ZFHX3: variants seen among roughly 807,000 people sequenced by gnomAD.
ZFHX3 encodes the protein zinc finger homeobox 3, also known as zinc finger homeobox protein 3.
A neutral mutation model predicts 279.1 loss-of-function variants in ZFHX3; 42 were observed. The observed-to-expected ratio is 0.15, with a 90% CI of 0.12 to 0.19. The LOEUF is 0.19. ZFHX3 is among the 10% of genes least tolerant of loss of function. The pLI, the probability that ZFHX3 is intolerant of heterozygous loss-of-function variation, is 1.00. For synonymous variants in ZFHX3, 2,293 were observed against 1,957.8 expected (o/e 1.17, Z -4.52); for missense variants, 4,981 against 4,754.0 (o/e 1.05, Z -1.40).
intron 2 of ZFHX3, among the ~76,000 whole-genome samples, chr16:73,624,880 T>A (rs1353452740): frequency 6.6e-6 from 1 of 152,126 alleles, no homozygotes; most frequent in East Asian, 1.9e-4. Context: ...CCAAATCCGA[T>A]CTTACACATA....
chr16:73,423,914 T>A (rs965315053), intron 3 of ZFHX3, among the ~76,000 whole-genome samples: 2 of 151,706 alleles, frequency 1.3e-5, no homozygotes, highest in South Asian at 4.2e-4. Flanking sequence ...TTCCTTTGTA[T>A]CTCTGGACAA....
At chr16:73,402,932 C>T (rs934717060) in intron 3 of ZFHX3, among the ~76,000 whole-genome samples, 3 of 151,848 alleles carry the variant, frequency 2.0e-5, no homozygotes, top group Admixed American at 1.3e-4. Flanking sequence ...TAATTCTTAA[C>T]CTGTATTCCA....
intron 1 of ZFHX3, among the ~76,000 whole-genome samples, chr16:73,711,231 T>C (rs1317508136): frequency 6.6e-6 from 1 of 152,044 alleles, no homozygotes; most frequent in Non-Finnish European, 1.5e-5. Flanking sequence ...CACACACAGA[T>C]GGACCCTCTA....
intron 2 of ZFHX3, among the ~76,000 whole-genome samples, chr16:73,508,738 T>C (rs1253046280): frequency 6.6e-6 from 1 of 152,204 alleles, no homozygotes; most frequent in African/African-American, 2.4e-5. Flanking sequence ...GTATATATTA[T>C]TGTCCAGACA....
chr16:73,850,983 C>T (rs1961579509), intron 1 of ZFHX3, among the ~76,000 whole-genome samples: 1 of 152,136 alleles, frequency 6.6e-6, no homozygotes, highest in Admixed American at 6.5e-5. Context: ...TGTATGCCAC[C>T]TCCATTATTT....
intron 1 of ZFHX3, among the ~76,000 whole-genome samples, chr16:73,721,505 G>A (rs1424398525): frequency 6.6e-6 from 1 of 152,120 alleles, no homozygotes; most frequent in Non-Finnish European, 1.5e-5. Context: ...CCATTTATCT[G>A]TATTAGTGAG....
chr16:73,836,474 T>C (rs1181738969), intron 1 of ZFHX3, among the ~76,000 whole-genome samples: 1 of 152,210 alleles, frequency 6.6e-6, no homozygotes, highest in Non-Finnish European at 1.5e-5. Flanking sequence ...ACTTGAGTCA[T>C]TTCATAAACA....
chr16:72,798,701 A>G lies in ZFHX3; in HGVS notation c.3981T>C (p.Asp1327=). The G allele has an allele frequency of 6.4e-7, 1 of 1,551,816 alleles. No individual in the cohort carries two copies. Among genetic ancestry groups the G allele is most frequent in the South Asian group, 1.2e-5 (1 of 81,648 alleles). ...EAGKQPETSE[D]LGKNILPSAS... ...CGGATGGCAAGATGTTCTTTCCCAGATCCTCTGAGGTTTCTGTTAAAAAAA... is the reference window on the plus strand; with the variant it reads ...CGGATGGCAAGATGTTCTTTCCCAGGTCCTCTGAGGTTTCTGTTAAAAAAA... The change falls in exon 9 of 10, where the codon GAT becomes GAC. Residue 1327 remains aspartate (D), a synonymous_variant. Coordinates refer to ENST00000268489, the MANE Select transcript of ZFHX3 (RefSeq NM_006885.4).
At chr16:73,217,616 G>T (rs946590750) in intron 5 of ZFHX3, among the ~76,000 whole-genome samples, 1 of 152,134 alleles carries the variant, frequency 6.6e-6, no homozygotes, top group Non-Finnish European at 1.5e-5. Context: ...ACTTTTCAAA[G>T]GTAGCTAGGT....
At chr16:73,082,306 T>C (rs978527227) in intron 8 of ZFHX3, among the ~76,000 whole-genome samples, 1 of 151,896 alleles carries the variant, frequency 6.6e-6, no homozygotes. Flanking sequence ...CTCTCTATGT[T>C]GCCCAGCCTG....
chr16:73,518,114 AG>A (rs898576154), intron 2 of ZFHX3, among the ~76,000 whole-genome samples: 7 of 152,166 alleles, frequency 4.6e-5, no homozygotes, highest in African/African-American at 1.7e-4. Flanking sequence ...AGTTAGGACT[AG>A]CCACATTTCA....
intron 1 of ZFHX3, among the ~76,000 whole-genome samples, chr16:73,772,584 T>C (rs1051405026): frequency 2.6e-5 from 4 of 152,194 alleles, no homozygotes; most frequent in Non-Finnish European, 1.5e-5. Context: ...TAGGTGTCTT[T>C]CAGATATGTC....
intron 4 of ZFHX3, among the ~76,000 whole-genome samples, chr16:73,278,001 A>G (rs1420363439): frequency 6.6e-6 from 1 of 152,182 alleles, no homozygotes; most frequent in Non-Finnish European, 1.5e-5. Flanking sequence ...ATCTGCCCTC[A>G]TGATCCAGTC....
intron 3 of ZFHX3, among the ~76,000 whole-genome samples, chr16:72,933,727 C>T (rs937944057): frequency 1.3e-5 from 2 of 151,626 alleles, no homozygotes; most frequent in Non-Finnish European, 2.9e-5. Context: ...TAATAGATCA[C>T]GTGAGCAGAC....
chr16:73,486,436 T>C (rs534810050), intron 2 of ZFHX3, among the ~76,000 whole-genome samples: 2 of 133,390 alleles, frequency 1.5e-5, no homozygotes, highest in Admixed American at 1.5e-4. Context: ...TTTCCTTGCT[T>C]TGTTTGTGTG....
chr16:73,541,668 A>T (rs1021685438), intron 2 of ZFHX3, among the ~76,000 whole-genome samples: 1 of 150,804 alleles, frequency 6.6e-6, no homozygotes, highest in Non-Finnish European at 1.5e-5. Context: ...TTTTCCTTAC[A>T]TGGGACGCTT....
chr16:72,867,892 C>T (rs1313457795), intron 4 of ZFHX3, among the ~76,000 whole-genome samples: 1 of 152,074 alleles, frequency 6.6e-6, no homozygotes, highest in East Asian at 1.9e-4. Context: ...TTGTGGAGGC[C>T]AAAAATGGTG....
intron 1 of ZFHX3, among the ~76,000 whole-genome samples, chr16:73,806,983 G>A (rs1055083799): frequency 1.3e-5 from 2 of 152,176 alleles, no homozygotes; most frequent in African/African-American, 2.4e-5. Context: ...GGAGGATGGA[G>A]GAAATGTTAC....
At chr16:73,646,200 T>A (rs185620002) in intron 2 of ZFHX3, among the ~76,000 whole-genome samples, 1 of 152,264 alleles carries the variant, frequency 6.6e-6, no homozygotes, top group African/African-American at 2.4e-5. Flanking sequence ...ACTTCCAACA[T>A]GAGGTGATAG....
Sources: gnomAD v4.1 joint callset for allele counts (sites outside exome capture counted in the v4.1 genomes callset) on GRCh38, gnomAD v4.1.1 for gene constraint, MANE v1.5 for transcripts, NCBI Gene and HGNC (gene_info 2026-07-23, HGNC 2026-07-21) for gene names.